DLGAP2: variants seen among roughly 807,000 people sequenced by gnomAD.
The protein encoded by DLGAP2 is disks large-associated protein 2.
DLGAP2 carries 26 observed loss-of-function variants against 100.3 expected under a neutral mutation model. The ratio of observed to expected loss-of-function variants is 0.26; its 90% CI spans 0.19 to 0.36. The LOEUF is 0.36. DLGAP2 is among the 10% of genes least tolerant of loss of function. The pLI, the probability that DLGAP2 is intolerant of heterozygous loss-of-function variation, is 1.00. For missense variants in DLGAP2, 1,858 were observed against 1,453.2 expected (o/e 1.28, Z -4.53); for synonymous variants, 886 against 630.1 (o/e 1.41, Z -6.08).
chr8:1,173,821 C>G (rs1016123800), intron 2 of DLGAP2, among the ~76,000 whole-genome samples: 1 of 152,202 alleles, frequency 6.6e-6, no homozygotes, highest in Non-Finnish European at 1.5e-5. Flanking sequence ...ACTCTCTGAC[C>G]CATTGCGCTT....
At chr8:922,072 G>T (rs558977023) in intron 2 of DLGAP2, among the ~76,000 whole-genome samples, 1 of 152,238 alleles carries the variant, frequency 6.6e-6, no homozygotes, top group African/African-American at 2.4e-5. Flanking sequence ...CGCAGTTGGC[G>T]CCACTTTCCT....
At chr8:1,360,312 G>A (rs1420374542) in intron 3 of DLGAP2, among the ~76,000 whole-genome samples, 5 of 107,552 alleles carry the variant, frequency 4.6e-5, no homozygotes, top group South Asian at 3.1e-4. Flanking sequence ...GGGCTTCTCC[G>A]GGGCGGGGCT....
At chr8:859,939 G>T (rs1425495269) in intron 1 of DLGAP2, among the ~76,000 whole-genome samples, 1 of 152,084 alleles carries the variant, frequency 6.6e-6, no homozygotes, top group Non-Finnish European at 1.5e-5. Context: ...CAGTATTGAG[G>T]TGTTGCTGTT....
intron 2 of DLGAP2, among the ~76,000 whole-genome samples, chr8:993,895 A>G (rs1482353757): frequency 1.4e-5 from 2 of 145,070 alleles, no homozygotes; most frequent in Admixed American, 7.4e-5. Flanking sequence ...CGTTTCAGCT[A>G]CTTAGAGGCT....
intron 2 of DLGAP2, among the ~76,000 whole-genome samples, chr8:989,628 G>A (rs1367976753): frequency 6.6e-6 from 1 of 152,186 alleles, no homozygotes; most frequent in Non-Finnish European, 1.5e-5. Flanking sequence ...GACATTCCTT[G>A]AAGGCTGATA....
intron 3 of DLGAP2, among the ~76,000 whole-genome samples, chr8:1,357,719 A>T (rs1801889029): frequency 6.6e-6 from 1 of 152,198 alleles, no homozygotes; most frequent in South Asian, 2.1e-4. Flanking sequence ...TGCGATACGC[A>T]GCACCACACC....
chr8:1,329,887 G>C (rs942952167), intron 3 of DLGAP2, among the ~76,000 whole-genome samples: 2 of 152,232 alleles, frequency 1.3e-5, no homozygotes, highest in African/African-American at 2.4e-5. Context: ...CTCTGCTGAA[G>C]TGCACAACTC....
At chr8:1,175,539 G>A (rs12216825) in intron 2 of DLGAP2, among the ~76,000 whole-genome samples, 28,316 of 152,168 alleles carry the variant, frequency 0.19, 2,818 homozygotes, top group Middle Eastern at 0.35. Flanking sequence ...CAGTGGAAGG[G>A]AGAACATTGT....
chr8:1,000,411 C>T (rs36136875), intron 2 of DLGAP2, among the ~76,000 whole-genome samples: 3,418 of 122,612 alleles, frequency 0.028, 148 homozygotes, highest in African/African-American at 0.1. Flanking sequence ...TCTTTTGCAC[C>T]GGATTTTCTC....
At chr8:852,755 C>T (rs73673022) in intron 1 of DLGAP2, among the ~76,000 whole-genome samples, 46 of 152,304 alleles carry the variant, frequency 3.0e-4, no homozygotes, top group East Asian at 1.9e-3. Flanking sequence ...AGTGCATTCT[C>T]GGGCGAGTGT....
chr8:1,325,009 C>T (rs1800988198), intron 3 of DLGAP2, among the ~76,000 whole-genome samples: 1 of 152,200 alleles, frequency 6.6e-6, no homozygotes, highest in African/African-American at 2.4e-5. Context: ...CCTGTACTTC[C>T]CCAGGCCAGA....
chr8:1,286,817 A>G (rs911266381), intron 3 of DLGAP2, among the ~76,000 whole-genome samples: 2 of 152,200 alleles, frequency 1.3e-5, no homozygotes, highest in African/African-American at 4.8e-5. Flanking sequence ...CTGTGGAAGG[A>G]TTAGAGTTGT....
Position 1,549,238 on chromosome 8 carries a change from G to T in DLGAP2, c.785G>T (p.Arg262Leu). Residue 262 changes from arginine (R) to leucine (L), a missense_variant, in exon 5 of 15, where the codon CGG becomes CTG. Arg to Leu is a moderately radical substitution (Grantham distance 102). Coordinates refer to ENST00000637795, the MANE Select transcript of DLGAP2 (RefSeq NM_001346810.2). ...GCCAACGGCACCAAGGCGGACGGCC[G>T]GGCGGACGACCACCACCACGCCCAC... The part of the protein sequence containing the change: ...SNANGTKADG[R>L]ADDHHHAHHA... 1.2e-6 allele frequency: 2 copies of T among 1,606,776 alleles called. No individual in the cohort carries two copies. Among genetic ancestry groups the T allele is most frequent in the Non-Finnish European group, 1.7e-6 (2 of 1,177,486 alleles).
At chr8:1,358,414 G>C (rs555517719) in intron 3 of DLGAP2, among the ~76,000 whole-genome samples, 40 of 152,212 alleles carry the variant, frequency 2.6e-4, no homozygotes, top group African/African-American at 9.6e-4. Flanking sequence ...AAAATGTATT[G>C]ATCGGGGTTT....
At chr8:1,569,682 T>G (rs1301434011) in intron 6 of DLGAP2, among the ~76,000 whole-genome samples, 1 of 152,242 alleles carries the variant, frequency 6.6e-6, no homozygotes, top group Non-Finnish European at 1.5e-5. Context: ...GCCTGTTTTA[T>G]GGACAGAAAC....
At chr8:1,472,532 A>C (rs1798831558) in intron 3 of DLGAP2, among the ~76,000 whole-genome samples, 1 of 152,210 alleles carries the variant, frequency 6.6e-6, no homozygotes, top group Non-Finnish European at 1.5e-5. Context: ...GAAGCAGGAA[A>C]TGTCAGGGTC....
At chr8:1,476,819 C>T (rs1014434121) in intron 3 of DLGAP2, among the ~76,000 whole-genome samples, 1 of 150,352 alleles carries the variant, frequency 6.7e-6, no homozygotes, top group Non-Finnish European at 1.5e-5. Context: ...TGGCTGAGTG[C>T]TGTCGGCCAC....
intron 1 of DLGAP2, among the ~76,000 whole-genome samples, chr8:760,709 A>G (rs1219718474): frequency 4.6e-5 from 7 of 152,126 alleles, no homozygotes; most frequent in Admixed American, 4.6e-4. Context: ...AAAGGTGTGC[A>G]TGGGTGTCAG....
At chr8:1,427,712 C>A (rs977633910) in intron 3 of DLGAP2, among the ~76,000 whole-genome samples, 1 of 152,172 alleles carries the variant, frequency 6.6e-6, no homozygotes, top group African/African-American at 2.4e-5. Flanking sequence ...TACAAGCTCT[C>A]TTCTCTTGTC....
Sources: gnomAD v4.1 joint callset for allele counts (sites outside exome capture counted in the v4.1 genomes callset) on GRCh38, gnomAD v4.1.1 for gene constraint, MANE v1.5 for transcripts, NCBI Gene and HGNC (gene_info 2026-07-23, HGNC 2026-07-21) for gene names.